RAP1GAP: variants seen among roughly 807,000 people sequenced by gnomAD.
The protein encoded by RAP1GAP is rap1 GTPase-activating protein 1.
RAP1GAP carries 35 observed loss-of-function variants against 87.2 expected under a neutral mutation model. That is an observed-to-expected ratio of 0.40 (90% CI 0.31 to 0.53). The LOEUF is 0.53. RAP1GAP is among the 20% of genes least tolerant of loss of function. RAP1GAP has a pLI of 0.48. For synonymous variants in RAP1GAP, 375 were observed against 363.9 expected (o/e 1.03, Z -0.35); for missense variants, 734 against 898.9 (o/e 0.82, Z 2.35).
At chr1:21,602,726 G>A in intron 19 of RAP1GAP, 78 bp downstream of exon 19, 1 of 1,320,028 alleles carries the variant, frequency 7.6e-7, no homozygotes, top group Non-Finnish European at 1.0e-6. Context: ...ACTCCCTTCT[G>A]CCTGCCTTGC....
Position 21,649,747 on chromosome 1 carries a change from T to C in RAP1GAP, c.-113+14A>G, listed in dbSNP as rs2096406483. ...AAGGAAACCCAGGCCCTCCTGAGAG[T>C]CCCCAGTACTCACCACACACTCCGG... is the stretch of plus-strand genomic sequence containing the variant. On this transcript the variant is annotated intron_variant, in intron 2 of 24. Transcript: ENST00000374765. 1.9e-6 allele frequency: 3 copies of C among 1,551,228 alleles called. No homozygotes were observed. The highest frequency in any genetic ancestry group is 2.0e-5 in the Admixed American group (1 of 50,914).
chr1:21,650,489 G>A (rs1196662738), intron 1 of RAP1GAP, among the ~76,000 whole-genome samples: 1 of 152,102 alleles, frequency 6.6e-6, no homozygotes, highest in Admixed American at 6.5e-5. Flanking sequence ...CCTTGGTGCC[G>A]CTGGGGGCAG....
Position 21,645,582 on chromosome 1 carries a change from A to C in RAP1GAP, c.-113+4179T>G, listed in dbSNP as rs369248157. Among the ~76,000 whole-genome samples the C allele has an allele frequency of 3.9e-5, 6 of 152,298 alleles. No individual in the cohort carries two copies. In the East Asian group the frequency reaches 1.2e-3, roughly 29 times the overall value. ...GACTAGCATCCATGCCCCTGTCCCC[A>C]GTAGAACCCCCTCACCCTGGCTTGG... On this transcript the variant is annotated intron_variant, in intron 2 of 24. Coordinates refer to ENST00000374765, the MANE Select transcript of RAP1GAP (RefSeq NM_002885.4).
chr1:21,619,042 A>G lies in RAP1GAP; in HGVS notation c.49T>C (p.Phe17Leu). The G allele has an allele frequency of 1.2e-6, 2 of 1,602,462 alleles. No individual in the cohort carries two copies. The highest frequency in any genetic ancestry group is 1.7e-6 in the Non-Finnish European group (2 of 1,173,856). Residue 17 changes from phenylalanine to leucine, a missense_variant, in exon 5 of 25, where the codon TTC (phenylalanine) becomes CTC (leucine). Phe to Leu is a conservative substitution (Grantham distance 22). This residue lies in a region of RAP1GAP where 485 missense variants were observed against 646.2 expected (regional missense o/e 0.75). Coordinates refer to ENST00000374765, the MANE Select transcript of RAP1GAP (RefSeq NM_002885.4). ...GSRMDEQRCS[F>L]PPPLKTEEDY... ...CCACCTACTTTGAGGGGCGGCGGGA[A>G]GGAGCAGCGTTGTTCATCCATCCTG... is the stretch of plus-strand genomic sequence containing the variant.
chr1:21,636,501 G>A (rs1255910900), intron 2 of RAP1GAP, among the ~76,000 whole-genome samples: 2 of 152,140 alleles, frequency 1.3e-5, no homozygotes, highest in African/African-American at 4.8e-5. Flanking sequence ...GACAAACACA[G>A]CTGCCCAAGA....
At chr1:21,626,748 A>G (rs548273349) in intron 2 of RAP1GAP, among the ~76,000 whole-genome samples, 2 of 152,054 alleles carry the variant, frequency 1.3e-5, no homozygotes, top group African/African-American at 4.8e-5. Flanking sequence ...CGCCTCTACA[A>G]TGGACCCCTC....
intron 1 of RAP1GAP, among the ~76,000 whole-genome samples, chr1:21,664,414 C>G (rs577474967): frequency 6.6e-6 from 1 of 152,296 alleles, no homozygotes; most frequent in South Asian, 2.1e-4. Flanking sequence ...ACTCCTCGGC[C>G]TGCCATTCAA....
intron 2 of RAP1GAP, among the ~76,000 whole-genome samples, chr1:21,628,455 C>T (rs542804175): frequency 3.7e-4 from 55 of 147,168 alleles, no homozygotes; most frequent in African/African-American, 1.3e-3. Context: ...CGTGGTGGCT[C>T]ACACCTGTAA....
rs756020682 is a variant in RAP1GAP, at chr1:21,603,523, C to T, written c.1429-610G>A. The T allele has an allele frequency of 4.0e-5, 24 of 602,960 alleles. No homozygotes were observed. The highest frequency in any genetic ancestry group is 5.4e-5 in the Non-Finnish European group (18 of 335,938). 37.4% of individuals were successfully genotyped at this position (602,960 alleles called of 1,614,324 possible). On this transcript the variant is annotated intron_variant, in intron 18 of 24. Transcript: ENST00000374765. The surrounding 1 kb of genome is among the most constrained non-coding windows in gnomAD (Gnocchi z 6.0). ...GAGAGGGATGGCGCTCCATGCAGAC[C>T]GGCGATATTGGGGGACGTGCGGCTG...
intron 1 of RAP1GAP, 126 bp from the exon 2 acceptor site, chr1:21,649,922 G>A: frequency 1.1e-6 from 1 of 930,910 alleles, no homozygotes; most frequent in South Asian, 1.5e-5. Context: ...TGTTTCTAAG[G>A]ATGCCTGATG....
intron 10 of RAP1GAP, among the ~76,000 whole-genome samples, chr1:21,612,885 G>T (rs2079276753): frequency 6.6e-6 from 1 of 152,220 alleles, no homozygotes; most frequent in Non-Finnish European, 1.5e-5. Flanking sequence ...GGCACAGCTT[G>T]CTCTCAGGAG....
Position 21,601,784 on chromosome 1 carries a change from C to A in RAP1GAP, c.1552G>T (p.Ala518Ser), listed in dbSNP as rs770230226. 2 of 1,607,150 alleles carry A rather than the reference C, an allele frequency of 1.2e-6. No homozygotes were observed. The highest frequency in any genetic ancestry group is 1.7e-5 in the Admixed American group (1 of 59,392). ...EVQEKRESPPAGQKTPDSGHV... is the reference protein window; with the variant it reads ...EVQEKRESPPSGQKTPDSGHV... ...CCGCTGTCTGGGGTCTTCTGACCAG[C>A]CGGAGGGCTCTCCCTGCGGGGCACA... The change falls in exon 20 of 25, where the codon GCT becomes TCT. Residue 518 changes from alanine to serine, a missense_variant. Ala to Ser is a moderately conservative substitution (Grantham distance 99). Coordinates refer to ENST00000374765, the MANE Select transcript of RAP1GAP (RefSeq NM_002885.4).
chr1:21,637,285 T>C (rs2094911896), intron 2 of RAP1GAP, among the ~76,000 whole-genome samples: 1 of 150,886 alleles, frequency 6.6e-6, no homozygotes, highest in Non-Finnish European at 1.5e-5. Context: ...GCCTCCCAAG[T>C]AGCTGGGACC....
At chr1:21,601,470 C>G (rs1315946257) in intron 20 of RAP1GAP, among the ~76,000 whole-genome samples, 3 of 152,254 alleles carry the variant, frequency 2.0e-5, no homozygotes, top group Non-Finnish European at 4.4e-5. Flanking sequence ...ATGCGCAGGG[C>G]ACCTCTGTGC....
intron 20 of RAP1GAP, among the ~76,000 whole-genome samples, chr1:21,599,943 C>T (rs1334654489): frequency 3.3e-5 from 5 of 152,188 alleles, no homozygotes; most frequent in Admixed American, 3.3e-4. Context: ...CTAACATCAT[C>T]GGGTGCACGT....
At chr1:21,656,417 T>C (rs1400411253) in intron 1 of RAP1GAP, among the ~76,000 whole-genome samples, 1 of 96,178 alleles carries the variant, frequency 1.0e-5, no homozygotes, top group African/African-American at 4.3e-5. Context: ...AGACTCCATC[T>C]AAAAAAAAAA....
At chr1:21,640,963 G>A (rs971063976) in intron 2 of RAP1GAP, among the ~76,000 whole-genome samples, 2 of 151,992 alleles carry the variant, frequency 1.3e-5, no homozygotes, top group East Asian at 1.9e-4. Flanking sequence ...GCTGGAGTGC[G>A]GTGGTGTGAT....
chr1:21,649,139 G>A (rs1033646880), intron 2 of RAP1GAP, among the ~76,000 whole-genome samples: 2 of 152,218 alleles, frequency 1.3e-5, no homozygotes, highest in East Asian at 3.8e-4. Flanking sequence ...GATGTATCCC[G>A]AGGTGAGGCT....
chr1:21,614,867 G>A (rs1369427830), intron 7 of RAP1GAP, among the ~76,000 whole-genome samples: 3 of 152,178 alleles, frequency 2.0e-5, no homozygotes, highest in Non-Finnish European at 4.4e-5. Flanking sequence ...AGTGGAGCTG[G>A]CTGCCCGGCC....
Sources: gnomAD v4.1 joint callset for allele counts (sites outside exome capture counted in the v4.1 genomes callset) on GRCh38, gnomAD v4.1.1 for gene constraint, gnomAD v4.1.1 regional missense constraint, Gnocchi (gnomAD v3.1) non-coding constraint, MANE v1.5 for transcripts, NCBI Gene and HGNC (gene_info 2026-07-23, HGNC 2026-07-21) for gene names.